MGAT5: variants seen among roughly 807,000 people sequenced by gnomAD.
MGAT5 encodes alpha-1,6-mannosylglycoprotein 6-beta-N-acetylglucosaminyltransferase.
In MGAT5, 30 loss-of-function variants were observed where a neutral mutation model predicts 94.3. The ratio of observed to expected loss-of-function variants is 0.32; its 90% CI spans 0.24 to 0.43. The LOEUF is 0.43. Ranked by LOEUF, MGAT5 falls within the 20% of genes least tolerant of loss-of-function variation. MGAT5 has a pLI of 1.00. For synonymous variants in MGAT5, 310 were observed against 322.9 expected (o/e 0.96, Z 0.43); for missense variants, 691 against 905.5 (o/e 0.76, Z 3.04).
intron 1 of MGAT5, among the ~76,000 whole-genome samples, chr2:134,121,405 C>T (rs1313018317): frequency 2.0e-5 from 3 of 152,224 alleles, no homozygotes; most frequent in African/African-American, 4.8e-5. Context: ...CACACAAAGC[C>T]GCGGTTTTGT....
intron 1 of MGAT5, among the ~76,000 whole-genome samples, chr2:134,245,602 C>G (rs183734757): frequency 6.6e-6 from 1 of 152,162 alleles, no homozygotes; most frequent in East Asian, 1.9e-4. Context: ...TTTGCCTGTC[C>G]CTTCCTCCTC....
At chr2:134,196,273 G>A (rs1485571068) in intron 1 of MGAT5, among the ~76,000 whole-genome samples, 2 of 152,064 alleles carry the variant, frequency 1.3e-5, no homozygotes, top group Non-Finnish European at 2.9e-5. Flanking sequence ...TTTACCTATT[G>A]TTGGTGTTTG....
At chr2:134,275,589 T>A (rs1236575744) in intron 2 of MGAT5, among the ~76,000 whole-genome samples, 3 of 142,662 alleles carry the variant, frequency 2.1e-5, no homozygotes, top group Non-Finnish European at 4.6e-5. Flanking sequence ...TTTTTTTTTT[T>A]TTTTTTTTTT....
At chr2:134,383,504 T>C (rs945255861) in intron 10 of MGAT5, among the ~76,000 whole-genome samples, 14 of 152,248 alleles carry the variant, frequency 9.2e-5, no homozygotes, top group African/African-American at 2.9e-4. Flanking sequence ...CTGTACTTCA[T>C]TGAAAGATTT....
intron 1 of MGAT5, among the ~76,000 whole-genome samples, chr2:134,120,687 G>C (rs1193859601): frequency 6.6e-6 from 1 of 151,982 alleles, no homozygotes; most frequent in East Asian, 2.0e-4. Context: ...CTCGGACCGC[G>C]GAGGAGCCCG....
chr2:134,152,771 A>C (rs1308042667), intron 1 of MGAT5, among the ~76,000 whole-genome samples: 2 of 152,226 alleles, frequency 1.3e-5, no homozygotes, highest in African/African-American at 4.8e-5. Flanking sequence ...CTCTGACTTT[A>C]GCTGTATATC....
At chr2:134,347,044 A>T (rs1409342813) in intron 8 of MGAT5, among the ~76,000 whole-genome samples, 1 of 152,192 alleles carries the variant, frequency 6.6e-6, no homozygotes, top group Non-Finnish European at 1.5e-5. Context: ...CAAAACAAAC[A>T]TCTTTTTAAG....
intron 2 of MGAT5, among the ~76,000 whole-genome samples, chr2:134,292,253 T>C (rs974381568): frequency 1.3e-5 from 2 of 152,140 alleles, no homozygotes; most frequent in African/African-American, 4.8e-5. Flanking sequence ...TTAATAGCAA[T>C]TGGAATTGAG....
At chr2:134,339,902 C>T (rs1688534042) in intron 6 of MGAT5, among the ~76,000 whole-genome samples, 1 of 152,134 alleles carries the variant, frequency 6.6e-6, no homozygotes, top group Non-Finnish European at 1.5e-5. Flanking sequence ...ACTGTAAAAA[C>T]ATCTTAAAAC....
At chr2:134,231,729 A>G (rs1056241690) in intron 1 of MGAT5, among the ~76,000 whole-genome samples, 3 of 152,124 alleles carry the variant, frequency 2.0e-5, no homozygotes, top group African/African-American at 7.2e-5. Context: ...GTAGCTCTCT[A>G]CCCACTGGAG....
chr2:134,160,605 C>T (rs944835008), intron 1 of MGAT5, among the ~76,000 whole-genome samples: 10 of 152,232 alleles, frequency 6.6e-5, no homozygotes, highest in African/African-American at 2.4e-4. Context: ...ACTTCCCCCA[C>T]CAGAACATGA....
intron 1 of MGAT5, among the ~76,000 whole-genome samples, chr2:134,140,612 A>G (rs1031028543): frequency 6.6e-6 from 1 of 152,250 alleles, no homozygotes; most frequent in Non-Finnish European, 1.5e-5. Flanking sequence ...CACAAAGGTT[A>G]ATATAACACC....
At chr2:134,247,370 AAAAAC>A (rs1046218046) in intron 1 of MGAT5, among the ~76,000 whole-genome samples, 1 of 148,684 alleles carries the variant, frequency 6.7e-6, no homozygotes, top group South Asian at 2.1e-4. Context: ...AAAAAAAAAA[AAAAAC>A]AAAAAAAAAA....
intron 4 of MGAT5, among the ~76,000 whole-genome samples, chr2:134,333,950 T>C (rs977031070): frequency 6.6e-6 from 1 of 152,168 alleles, no homozygotes; most frequent in Admixed American, 6.6e-5. Context: ...ATTTAATTAT[T>C]TTGTTAACCA....
intron 2 of MGAT5, among the ~76,000 whole-genome samples, chr2:134,317,088 C>CCAG (rs1033544307): frequency 2.0e-5 from 3 of 152,142 alleles, no homozygotes. Context: ...GGCCTGTTGG[C>CCAG]TTTCTCAGTT....
At chr2:134,246,631 C>A (rs1234259390) in intron 1 of MGAT5, among the ~76,000 whole-genome samples, 1 of 152,208 alleles carries the variant, frequency 6.6e-6, no homozygotes, top group Non-Finnish European at 1.5e-5. Flanking sequence ...ATTAGACTCA[C>A]GGCTTCTTAA....
chr2:134,429,229 T>C (rs533441816), intron 14 of MGAT5, among the ~76,000 whole-genome samples: 1 of 152,240 alleles, frequency 6.6e-6, no homozygotes, highest in African/African-American at 2.4e-5. Flanking sequence ...AAAATAGAAA[T>C]GGTGTATTGA....
chr2:134,270,506 C>T lies in MGAT5; in HGVS notation c.362C>T (p.Thr121Ile). The change falls in exon 2 of 16, where the codon ACA becomes ATA. Residue 121 changes from threonine to isoleucine, a missense_variant. Physicochemically the swap from Thr to Ile is moderately conservative, Grantham distance 89. Transcript: ENST00000281923. ...GGAACAAACTCAACCAACTCCACTA[C>T]AGCTGTTCCCAGCTTGGTTGCACTT... ...GTGTNSTNST[T>I]AVPSLVALEK... 5 of 1,614,194 alleles carry T rather than the reference C, an allele frequency of 3.1e-6. No homozygotes were observed. Among genetic ancestry groups the T allele is most frequent in the Non-Finnish European group, 4.2e-6 (5 of 1,180,028 alleles).
upstream of MGAT5, among the ~76,000 whole-genome samples, chr2:134,249,750 C>T (rs147762474): frequency 7.9e-5 from 12 of 152,292 alleles, no homozygotes; most frequent in African/African-American, 2.6e-4. Context: ...TGTGTAGACA[C>T]GTATTTTCAT....
Sources: gnomAD v4.1 joint callset for allele counts (sites outside exome capture counted in the v4.1 genomes callset) on GRCh38, gnomAD v4.1.1 for gene constraint, MANE v1.5 for transcripts, NCBI Gene and HGNC (gene_info 2026-07-23, HGNC 2026-07-21) for gene names.